Variants in PKP4 observed in about 807,000 individuals in gnomAD.
PKP4 encodes the protein plakophilin-4.
In PKP4, 90 loss-of-function variants were observed where a neutral mutation model predicts 145.1. That is an observed-to-expected ratio of 0.62 (90% CI 0.52 to 0.74). The LOEUF is 0.74. Among genes scored for constraint, PKP4 ranks in the 30% least tolerant of loss-of-function variants. The probability of loss-of-function intolerance (pLI) is 0.00; values close to 1 mark genes in which losing one functional copy is unlikely to be tolerated. For missense variants in PKP4, 1,340 were observed against 1,482.7 expected (o/e 0.90, Z 1.58); for synonymous variants, 563 against 577.2 (o/e 0.98, Z 0.35).
chr2:158,561,910 A>G (rs371904532), intron 2 of PKP4, among the ~76,000 whole-genome samples: 66 of 151,630 alleles, frequency 4.4e-4, no homozygotes, highest in African/African-American at 1.5e-3. Flanking sequence ...TATTTCTCCC[A>G]ATGCCATCCC....
chr2:158,565,808 A>G (rs2046932949), intron 2 of PKP4, among the ~76,000 whole-genome samples: 1 of 152,202 alleles, frequency 6.6e-6, no homozygotes, highest in Non-Finnish European at 1.5e-5. Flanking sequence ...GTTATCAATA[A>G]TACATTGATC....
At chr2:158,657,413 C>T (rs2056092465) in intron 11 of PKP4, among the ~76,000 whole-genome samples, 1 of 152,148 alleles carries the variant, frequency 6.6e-6, no homozygotes, top group African/African-American at 2.4e-5. Context: ...ATATGAATTA[C>T]AATACAGGCG....
chr2:158,541,445 A>G lies in PKP4; in HGVS notation c.132+8129A>G, dbSNP rs77142613. On this transcript the variant is annotated intron_variant, in intron 2 of 21. Coordinates refer to ENST00000389759, the MANE Select transcript of PKP4 (RefSeq NM_003628.6). The stretch of plus-strand genomic sequence containing the variant: ...TTTTCAGTAGTTCAAAGACAAATCT[A>G]TTTCTTAGCTTATAGAATCTTAAGA... 8.9e-3 allele frequency among the ~76,000 whole-genome samples: 1,353 copies of G among 152,236 alleles called. 20 individuals carry two copies. The highest frequency in any genetic ancestry group is 0.03 in the African/African-American group (1,242 of 41,550).
chr2:158,579,530 C>T (rs1004950806), intron 3 of PKP4, among the ~76,000 whole-genome samples: 3 of 151,640 alleles, frequency 2.0e-5, no homozygotes, highest in African/African-American at 7.3e-5. Flanking sequence ...AGTAGGGTTT[C>T]ACAGTCCAAG....
chr2:158,536,831 T>C (rs762654902), intron 2 of PKP4, among the ~76,000 whole-genome samples: 2 of 152,228 alleles, frequency 1.3e-5, no homozygotes, highest in Non-Finnish European at 2.9e-5. Context: ...GCGTTTTTGA[T>C]GAAACATACC....
At chr2:158,528,596 C>T (rs1426218887) in intron 1 of PKP4, among the ~76,000 whole-genome samples, 1 of 126,586 alleles carries the variant, frequency 7.9e-6, no homozygotes, top group African/African-American at 3.1e-5. Flanking sequence ...TGTAACTAAC[C>T]TGCACAATGT....
chr2:158,635,739 T>A (rs1372435969), intron 9 of PKP4, among the ~76,000 whole-genome samples: 1 of 152,174 alleles, frequency 6.6e-6, no homozygotes, highest in African/African-American at 2.4e-5. Flanking sequence ...AACTGATGGC[T>A]GTCTTTGATT....
chr2:158,496,794 GTC>G (rs1491253006), intron 1 of PKP4, among the ~76,000 whole-genome samples: 7 of 143,450 alleles, frequency 4.9e-5, no homozygotes, highest in South Asian at 2.2e-4. Context: ...GTGTGTGTGT[GTC>G]TGTGTGTCTC....
chr2:158,594,416 G>A (rs2049541242), intron 3 of PKP4, among the ~76,000 whole-genome samples: 1 of 152,164 alleles, frequency 6.6e-6, no homozygotes, highest in African/African-American at 2.4e-5. Context: ...CAGGGGCAAG[G>A]TCATAACACA....
chr2:158,649,616 T>C (rs1468903228), intron 11 of PKP4, among the ~76,000 whole-genome samples: 3 of 152,192 alleles, frequency 2.0e-5, no homozygotes, highest in Non-Finnish European at 4.4e-5. Context: ...TTCAACCCTC[T>C]AAGTGGAATA....
chr2:158,680,558 A>C lies in PKP4; in HGVS notation c.3460A>C (p.Thr1154Pro). The change falls in exon 22 of 22, where the codon ACT becomes CCT. Residue 1154 changes from threonine (T) to proline (P), a missense_variant. Thr to Pro is a conservative substitution (Grantham distance 38). Coordinates refer to ENST00000389759, the MANE Select transcript of PKP4 (RefSeq NM_003628.6). ...FDDRVHFPAS[T>P]DYSTQYGLKS... The stretch of plus-strand genomic sequence containing the variant: ...TGACCGAGTTCACTTTCCAGCTTCT[A>C]CTGATTACTCAACACAGTATGGACT... 6.2e-7 allele frequency: 1 copy of C among 1,614,152 alleles called. No individual in the cohort carries two copies. The highest frequency in any genetic ancestry group is 8.5e-7 in the Non-Finnish European group (1 of 1,179,984).
At chr2:158,562,157 G>A (rs56352104) in intron 2 of PKP4, among the ~76,000 whole-genome samples, 22,841 of 152,124 alleles carry the variant, frequency 0.15, 1,954 homozygotes, top group Middle Eastern at 0.24. Flanking sequence ...GATATGTTTT[G>A]TTGCAGAATT....
At position 158,673,709 on chromosome 2, in the gene PKP4, A is replaced by C; in HGVS notation, c.2957A>C (p.Gln986Pro). Residue 986 changes from glutamine to proline, a missense_variant, in exon 18 of 22, where the codon CAG becomes CCG. By Grantham distance (76) the Gln-to-Pro change is moderately conservative (BLOSUM62 -1). Coordinates refer to ENST00000389759, the MANE Select transcript of PKP4 (RefSeq NM_003628.6). ...CTGAAAGTGGTGAAGGCAGCAGCCC[A>C]GGTCTTGAATACATTATGGCAATAT... ...SSLKVVKAAA[Q>P]VLNTLWQYRD... 1 of 1,613,270 alleles carries C rather than the reference A, an allele frequency of 6.2e-7. No homozygotes were observed. Among genetic ancestry groups the C allele is most frequent in the South Asian group, 1.1e-5 (1 of 91,042 alleles).
intron 3 of PKP4, among the ~76,000 whole-genome samples, chr2:158,601,859 G>A (rs2050259236): frequency 6.6e-6 from 1 of 152,098 alleles, no homozygotes; most frequent in African/African-American, 2.4e-5. Context: ...TATCAAGGGG[G>A]TAATAAGAAC....
chr2:158,560,381 T>TA (rs568454398), intron 2 of PKP4, among the ~76,000 whole-genome samples: 166 of 148,128 alleles, frequency 1.1e-3, no homozygotes, highest in African/African-American at 2.5e-3. Context: ...TGATTTTATG[T>TA]AAAAAAAAAA....
intron 4 of PKP4, among the ~76,000 whole-genome samples, chr2:158,604,051 TAAC>T (rs1397835488): frequency 6.6e-6 from 1 of 152,298 alleles, no homozygotes; most frequent in East Asian, 1.9e-4. Flanking sequence ...AAAAGCTACC[TAAC>T]AATAAGGCTT....
chr2:158,531,462 C>G (rs949870426), intron 1 of PKP4, among the ~76,000 whole-genome samples: 4 of 152,062 alleles, frequency 2.6e-5, no homozygotes, highest in African/African-American at 9.7e-5. Flanking sequence ...TCTTTACTTG[C>G]CTTAAATGCT....
At chr2:158,658,347 C>A (rs764484863) in intron 12 of PKP4, 33 bp downstream of exon 12, 6 of 1,337,948 alleles carry the variant, frequency 4.5e-6, no homozygotes, top group Non-Finnish European at 6.3e-6. Flanking sequence ...CCAGTTAATT[C>A]TGTGATTAAA....
intron 19 of PKP4, among the ~76,000 whole-genome samples, chr2:158,675,249 G>A (rs1043177847): frequency 1.4e-4 from 21 of 151,982 alleles, no homozygotes; most frequent in African/African-American, 3.6e-4. Flanking sequence ...GGTTTTATGC[G>A]TCCCAGGATG....
Sources: gnomAD v4.1 joint callset for allele counts (sites outside exome capture counted in the v4.1 genomes callset) on GRCh38, gnomAD v4.1.1 for gene constraint, MANE v1.5 for transcripts, NCBI Gene and HGNC (gene_info 2026-07-23, HGNC 2026-07-21) for gene names.